The following ESR1 variants were observed in gnomAD, a reference collection of about 807,000 sequenced individuals.
ESR1 encodes the protein estrogen receptor 1.
Under a neutral mutation model 52.7 loss-of-function variants are expected in ESR1, and 12 were observed. The observed-to-expected ratio is 0.23, with a 90% CI of 0.15 to 0.37. The LOEUF (loss-of-function observed/expected upper bound fraction) is 0.37. ESR1 is among the 10% of genes least tolerant of loss of function. The probability of loss-of-function intolerance (pLI) is 1.00; values close to 1 mark genes in which losing one functional copy is unlikely to be tolerated. For synonymous variants in ESR1, 305 were observed against 316.8 expected (o/e 0.96, Z 0.39); for missense variants, 584 against 779.7 (o/e 0.75, Z 2.99).
intron 6 of ESR1, among the ~76,000 whole-genome samples, chr6:152,081,980 C>G (rs1413902281): frequency 6.6e-6 from 1 of 151,360 alleles, no homozygotes; most frequent in East Asian, 1.9e-4. Flanking sequence ...AGGTTTGGAC[C>G]AACCAAAAAT....
At chr6:151,684,481 G>T (rs1270046006) in intron 1 of ESR1, among the ~76,000 whole-genome samples, 1 of 152,164 alleles carries the variant, frequency 6.6e-6, no homozygotes. Flanking sequence ...GAGGCTGTCG[G>T]CAACCAGACC....
rs997021142 is a variant in ESR1, at chr6:152,023,422, C to G, written c.1235+11628C>G. On this transcript the variant is annotated intron_variant, in intron 5 of 7. Transcript: ENST00000206249. Reference sequence around the variant, plus strand: ...GCCCCATTGCTTAATCCATTAATCTCATTTCATTTTGTCCTTTTTCTTTGT... The same window carrying G: ...GCCCCATTGCTTAATCCATTAATCTGATTTCATTTTGTCCTTTTTCTTTGT... 7.9e-5 allele frequency among the ~76,000 whole-genome samples: 12 copies of G among 152,320 alleles called. No homozygotes were observed. In the East Asian group the frequency reaches 1.5e-3, roughly 20 times the overall value.
chr6:152,123,564 G>A (rs915961892), intron 6 of ESR1, among the ~76,000 whole-genome samples: 1 of 152,206 alleles, frequency 6.6e-6, no homozygotes. Context: ...TAGATTCTGA[G>A]TTGGGTGCTA....
intron 5 of ESR1, among the ~76,000 whole-genome samples, chr6:152,024,285 C>T (rs1331318757): frequency 6.6e-6 from 1 of 152,020 alleles, no homozygotes; most frequent in Non-Finnish European, 1.5e-5. Context: ...AGAAGGTGCA[C>T]ATTGTTTTAA....
intron 3 of ESR1, among the ~76,000 whole-genome samples, chr6:151,888,322 G>T (rs573837670): frequency 6.8e-4 from 104 of 152,106 alleles, no homozygotes; most frequent in Admixed American, 1.0e-3. Context: ...CCATTTATTT[G>T]TGTCTTCTTC....
At chr6:151,923,177 T>G (rs919851927) in intron 3 of ESR1, among the ~76,000 whole-genome samples, 1 of 152,200 alleles carries the variant, frequency 6.6e-6, no homozygotes, top group African/African-American at 2.4e-5. Flanking sequence ...TCCGAGTCAC[T>G]TAGGTTAGCG....
At chr6:152,006,439 A>G (rs1290315068) in intron 4 of ESR1, among the ~76,000 whole-genome samples, 1 of 152,046 alleles carries the variant, frequency 6.6e-6, no homozygotes, top group East Asian at 1.9e-4. Context: ...GATAGGGCCC[A>G]TGATCCATGG....
chr6:151,668,287 CT>C (rs35960345), intron 1 of ESR1, among the ~76,000 whole-genome samples: 44,610 of 149,872 alleles, frequency 0.3, 6,926 homozygotes, highest in East Asian at 0.41. Context: ...CTTTTTTTTT[CT>C]TTTTTTTTGA....
At chr6:151,710,231 T>C (rs1186463549) in intron 2 of ESR1, among the ~76,000 whole-genome samples, 1 of 151,906 alleles carries the variant, frequency 6.6e-6, no homozygotes, top group East Asian at 1.9e-4. Context: ...TGATGCTCCC[T>C]ACTCATTAAT....
At chr6:152,037,943 A>T (rs564383420) in intron 5 of ESR1, among the ~76,000 whole-genome samples, 125 of 152,320 alleles carry the variant, frequency 8.2e-4, no homozygotes, top group African/African-American at 2.4e-3. Flanking sequence ...AGATGTATAT[A>T]TGAAAAGGAG....
intron 2 of ESR1, among the ~76,000 whole-genome samples, chr6:151,750,761 G>C (rs977612019): frequency 6.6e-6 from 1 of 152,010 alleles, no homozygotes; most frequent in Non-Finnish European, 1.5e-5. Context: ...GGTAAACTTC[G>C]TTCTGAAAAC....
chr6:152,031,278 TAACTA>T (rs1203744336), intron 5 of ESR1, among the ~76,000 whole-genome samples: 1 of 151,458 alleles, frequency 6.6e-6, no homozygotes, highest in African/African-American at 2.4e-5. Flanking sequence ...AGACAAGAAA[TAACTA>T]AGATCAGAGC....
chr6:151,782,637 T>G lies in ESR1; in HGVS notation c.-70-25206T>G, dbSNP rs1786655912. 2.6e-5 allele frequency among the ~76,000 whole-genome samples: 4 copies of G among 152,276 alleles called. No individual in the cohort carries two copies. The South Asian group carries it at 8.3e-4, about 32-fold the overall frequency. ...ATGTGTGCACCTATTTAAATGTGTGTGGAGGTGCACATTTTAACATTCCTC... is the reference window on the plus strand; with the variant it reads ...ATGTGTGCACCTATTTAAATGTGTGGGGAGGTGCACATTTTAACATTCCTC... On this transcript the variant is annotated intron_variant, in intron 2 of 2. Coordinates refer to the ESR1 transcript ENST00000404742.
intron 2 of ESR1, among the ~76,000 whole-genome samples, chr6:151,734,984 T>C (rs1389801094): frequency 6.6e-6 from 1 of 152,174 alleles, no homozygotes; most frequent in Non-Finnish European, 1.5e-5. Context: ...TAATGAAACA[T>C]TGGACTCATT....
chr6:151,741,560 C>G (rs1054213540), intron 2 of ESR1, among the ~76,000 whole-genome samples: 11 of 152,222 alleles, frequency 7.2e-5, no homozygotes, highest in South Asian at 2.1e-4. Context: ...AATATGCTCC[C>G]TGTTTTTTGG....
chr6:151,998,107 G>A (rs2041650166), intron 4 of ESR1, among the ~76,000 whole-genome samples: 1 of 151,950 alleles, frequency 6.6e-6, no homozygotes. Flanking sequence ...TATTTTCCTT[G>A]GGCTTATTAA....
intron 1 of ESR1, among the ~76,000 whole-genome samples, chr6:151,666,557 T>C (rs995386490): frequency 2.0e-5 from 3 of 152,198 alleles, no homozygotes; most frequent in African/African-American, 7.2e-5. Flanking sequence ...GATTTAACTC[T>C]ATGAGCTCTC....
intron 4 of ESR1, among the ~76,000 whole-genome samples, chr6:151,973,326 T>C (rs765482928): frequency 1.5e-5 from 2 of 130,020 alleles, no homozygotes; most frequent in South Asian, 4.8e-4. Flanking sequence ...AGAGCCATTA[T>C]ATTCTGTCTG....
intron 7 of ESR1, among the ~76,000 whole-genome samples, chr6:152,097,959 A>T (rs1263583189): frequency 2.6e-5 from 4 of 152,234 alleles, no homozygotes; most frequent in Non-Finnish European, 4.4e-5. Flanking sequence ...GGTGTGAAAG[A>T]GGAAGGCTGA....
Sources: allele counts gnomAD v4.1 joint callset (sites outside exome capture counted in the v4.1 genomes callset), GRCh38; gene constraint gnomAD v4.1.1; transcripts MANE v1.5; gene names NCBI Gene and HGNC (gene_info 2026-07-23, HGNC 2026-07-21).